SLIT2: variants seen among roughly 807,000 people sequenced by gnomAD.
SLIT2 encodes slit guidance ligand 2, also known as slit homolog 2 protein.
In SLIT2, 41 loss-of-function variants were observed where a neutral mutation model predicts 185.7. The observed-to-expected ratio is 0.22, with a 90% confidence interval of 0.17 to 0.29. The LOEUF is 0.29. SLIT2 is among the 10% of genes least tolerant of loss of function. The pLI, the probability that SLIT2 is intolerant of heterozygous loss-of-function variation, is 1.00. For synonymous variants in SLIT2, 693 were observed against 680.2 expected, an observed-to-expected ratio of 1.02 and a Z score of -0.29; for missense variants, 1,571 against 1,909.0, an observed-to-expected ratio of 0.82 and a Z score of 3.30.
intron 18 of SLIT2, among the ~76,000 whole-genome samples, chr4:20,535,489 G>A (rs941950761): frequency 1.3e-5 from 2 of 152,002 alleles, no homozygotes; most frequent in South Asian, 2.1e-4. Flanking sequence ...CTCCTGGCAG[G>A]GAAGTACCTT....
intron 4 of SLIT2, among the ~76,000 whole-genome samples, chr4:20,307,038 T>TTCCTCCATTCCC: frequency 6.6e-6 from 1 of 150,958 alleles, no homozygotes; most frequent in East Asian, 1.9e-4. Context: ...CCCTTCCTTT[T>TTCCTCCATTCCC]TACCTACCTT....
chr4:20,263,701 ACTT>A (rs1487334453), intron 3 of SLIT2, among the ~76,000 whole-genome samples: 1 of 151,792 alleles, frequency 6.6e-6, no homozygotes, highest in African/African-American at 2.4e-5. Flanking sequence ...ATCTTTCAAA[ACTT>A]CAATTTCCTC....
chr4:20,371,318 A>G (rs1454310848), intron 4 of SLIT2, among the ~76,000 whole-genome samples: 7 of 151,942 alleles, frequency 4.6e-5, no homozygotes, highest in Admixed American at 1.3e-4. Flanking sequence ...GCACATCCTC[A>G]TAGAGACTCA....
chr4:20,415,435 G>A (rs934127058), intron 4 of SLIT2, among the ~76,000 whole-genome samples: 2 of 138,200 alleles, frequency 1.4e-5, no homozygotes, highest in Admixed American at 7.1e-5. Context: ...AAAAAAAAAG[G>A]CTTTATAAAT....
At chr4:20,369,342 C>T (rs570120675) in intron 4 of SLIT2, among the ~76,000 whole-genome samples, 10 of 152,084 alleles carry the variant, frequency 6.6e-5, no homozygotes, top group African/African-American at 2.2e-4. Flanking sequence ...TCCTTTTCCT[C>T]TGGTTTTTGA....
At chr4:20,423,088 C>T (rs1435646704) in intron 4 of SLIT2, among the ~76,000 whole-genome samples, 2 of 152,078 alleles carry the variant, frequency 1.3e-5, no homozygotes, top group Non-Finnish European at 2.9e-5. Flanking sequence ...CCCCATGTTT[C>T]TTTCATGCCT....
Position 20,546,033 on chromosome 4 carries a change from A to T in SLIT2, c.2279A>T (p.Tyr760Phe). 2.6e-6 allele frequency: 4 copies of T among 1,543,028 alleles called. No individual in the cohort carries two copies. The highest frequency in any genetic ancestry group is 3.6e-6 in the Non-Finnish European group (4 of 1,123,080). ...TAATATTGTTCCATTGTTTTTAGGT[A>T]TCTGGATGGAAACCAATTTACACTG... ...KGIPRDVTEL[Y>F]LDGNQFTLVP... The change falls in exon 22 of 37, where the codon TAT (tyrosine) becomes TTT (phenylalanine). Residue 760 changes from tyrosine (Y) to phenylalanine (F), a missense_variant and splice_region_variant. Tyr to Phe is a conservative substitution (Grantham distance 22, BLOSUM62 3). Coordinates refer to ENST00000504154, the MANE Select transcript of SLIT2 (RefSeq NM_004787.4).
At chr4:20,303,074 C>A (rs1717203373) in intron 4 of SLIT2, among the ~76,000 whole-genome samples, 1 of 152,058 alleles carries the variant, frequency 6.6e-6, no homozygotes, top group Non-Finnish European at 1.5e-5. Flanking sequence ...CTTTTGAAAC[C>A]TTTATTATCT....
chr4:20,356,405 A>G (rs897910356), intron 4 of SLIT2, among the ~76,000 whole-genome samples: 1 of 152,182 alleles, frequency 6.6e-6, no homozygotes, highest in African/African-American at 2.4e-5. Flanking sequence ...TGAGGTTACC[A>G]GCGGTACAAG....
intron 4 of SLIT2, among the ~76,000 whole-genome samples, chr4:20,345,605 G>A (rs1259137345): frequency 1.5e-5 from 2 of 137,186 alleles, no homozygotes; most frequent in Admixed American, 7.9e-5. Flanking sequence ...GCGTGATCTT[G>A]GCTCACGGCA....
chr4:20,489,098 C>A, intron 8 of SLIT2, 116 bp downstream of exon 8: 1 of 706,324 alleles, frequency 1.4e-6, no homozygotes, highest in Non-Finnish European at 2.3e-6. Context: ...CAATTGTGCA[C>A]TAATCACTCT....
intron 17 of SLIT2, among the ~76,000 whole-genome samples, chr4:20,532,826 A>G (rs1259675826): frequency 6.6e-6 from 1 of 152,206 alleles, no homozygotes; most frequent in Non-Finnish European, 1.5e-5. Flanking sequence ...CTGTTATGAA[A>G]TGTACTTTCT....
chr4:20,459,585 C>T (rs1437258071), intron 4 of SLIT2, among the ~76,000 whole-genome samples: 1 of 152,002 alleles, frequency 6.6e-6, no homozygotes, highest in East Asian at 1.9e-4. Flanking sequence ...CAGTTCCCAC[C>T]ATGATACAAA....
At chr4:20,274,768 C>CT (rs1160549583) in intron 4 of SLIT2, among the ~76,000 whole-genome samples, 1 of 149,816 alleles carries the variant, frequency 6.7e-6, no homozygotes. Flanking sequence ...CTCAGCTGTA[C>CT]TTATTTAAAC....
chr4:20,335,520 G>A (rs1720420229), intron 4 of SLIT2, among the ~76,000 whole-genome samples: 1 of 152,152 alleles, frequency 6.6e-6, no homozygotes, highest in South Asian at 2.1e-4. Context: ...TAAAAAATAT[G>A]AGTTGAAATA....
intron 26 of SLIT2, among the ~76,000 whole-genome samples, chr4:20,561,208 A>G (rs1331180453): frequency 2.0e-5 from 3 of 151,798 alleles, no homozygotes; most frequent in Admixed American, 6.6e-5. Flanking sequence ...TCATTACTTC[A>G]TTTGTAAAGG....
At chr4:20,455,873 G>A (rs1302530944) in intron 4 of SLIT2, among the ~76,000 whole-genome samples, 2 of 151,990 alleles carry the variant, frequency 1.3e-5, no homozygotes, top group African/African-American at 2.4e-5. Flanking sequence ...AAGATTTGAT[G>A]TTTTACAGTT....
intron 4 of SLIT2, among the ~76,000 whole-genome samples, chr4:20,432,869 G>A (rs1032523272): frequency 6.6e-6 from 1 of 152,120 alleles, no homozygotes; most frequent in African/African-American, 2.4e-5. Context: ...TTAAGTGTTT[G>A]TGCTCTAATT....
intron 28 of SLIT2, 75 bp downstream of exon 28, chr4:20,567,690 T>C: frequency 8.5e-7 from 1 of 1,175,214 alleles, no homozygotes; most frequent in Non-Finnish European, 1.3e-6. Context: ...ACATTTTCCT[T>C]TTCAAATCAA....
Sources: allele counts gnomAD v4.1 joint callset (sites outside exome capture counted in the v4.1 genomes callset), GRCh38; gene constraint gnomAD v4.1.1; transcripts MANE v1.5; gene names NCBI Gene and HGNC (gene_info 2026-07-23, HGNC 2026-07-21).